Variants in DNAH8 observed in about 807,000 individuals in gnomAD.
DNAH8 encodes the protein axonemal beta dynein heavy chain 8.
Under a neutral mutation model 562.1 loss-of-function variants are expected in DNAH8, and 382 were observed. The ratio of observed to expected loss-of-function variants is 0.68; its 90% CI spans 0.63 to 0.74. The LOEUF is 0.74. Among genes scored for constraint, DNAH8 ranks in the 30% least tolerant of loss-of-function variants. The probability of loss-of-function intolerance (pLI) is 0.00; values close to 1 mark genes in which losing one functional copy is unlikely to be tolerated. For missense variants in DNAH8, 5,203 were observed against 5,620.4 expected, an observed-to-expected ratio of 0.93 and a Z score of 2.37; for synonymous variants, 1,881 against 1,919.4, an observed-to-expected ratio of 0.98 and a Z score of 0.52.
At chr6:38,756,348 G>C (rs1229844078) in intron 10 of DNAH8, among the ~76,000 whole-genome samples, 1 of 151,988 alleles carries the variant, frequency 6.6e-6, no homozygotes, top group Non-Finnish European at 1.5e-5. Context: ...AAATAGTTTT[G>C]ATTCTACCCA....
intron 85 of DNAH8, among the ~76,000 whole-genome samples, chr6:38,978,669 T>C (rs1482308634): frequency 2.0e-5 from 3 of 152,224 alleles, no homozygotes; most frequent in Non-Finnish European, 4.4e-5. Flanking sequence ...TTGTCTGGTT[T>C]TGAAGCTGTG....
At chr6:39,011,405 C>T (rs1336146035) in intron 89 of DNAH8, among the ~76,000 whole-genome samples, 1 of 152,196 alleles carries the variant, frequency 6.6e-6, no homozygotes, top group African/African-American at 2.4e-5. Context: ...TGTGTCCCTT[C>T]CTTGTTCCTT....
At chr6:38,891,380 CA>C (rs760543269) in intron 58 of DNAH8, among the ~76,000 whole-genome samples, 2 of 152,156 alleles carry the variant, frequency 1.3e-5, no homozygotes, top group Non-Finnish European at 2.9e-5. Context: ...ATATATTTGA[CA>C]AAAAGCCATG....
At chr6:38,772,929 G>T (rs1767707589) in intron 12 of DNAH8, among the ~76,000 whole-genome samples, 1 of 147,044 alleles carries the variant, frequency 6.8e-6, no homozygotes, top group Non-Finnish European at 1.5e-5. Flanking sequence ...CTTCTGAGTA[G>T]CTGGGACTAC....
intron 63 of DNAH8, among the ~76,000 whole-genome samples, chr6:38,907,542 C>G (rs1296871371): frequency 1.3e-5 from 2 of 152,162 alleles, no homozygotes; most frequent in Non-Finnish European, 2.9e-5. Flanking sequence ...CAAGCATACC[C>G]TTTTCAAGAT....
At chr6:38,901,966 A>G (rs1780111172) in intron 62 of DNAH8, among the ~76,000 whole-genome samples, 1 of 152,184 alleles carries the variant, frequency 6.6e-6, no homozygotes, top group African/African-American at 2.4e-5. Flanking sequence ...GGCAGAGCTC[A>G]GTAGCAGCTG....
At chr6:38,745,121 C>A (rs1185861065) in intron 8 of DNAH8, among the ~76,000 whole-genome samples, 2 of 152,184 alleles carry the variant, frequency 1.3e-5, no homozygotes, top group Admixed American at 1.3e-4. Flanking sequence ...GAATTACTTA[C>A]CGCTTACTGT....
Position 38,935,055 on chromosome 6 carries a change from TAGA to T in DNAH8, c.11458-534_11458-532del, listed in dbSNP as rs1782840881. Among the ~76,000 whole-genome samples, 3 of 152,176 alleles carry T rather than the reference TAGA, an allele frequency of 2.0e-5. No homozygotes were observed. In the South Asian group the frequency reaches 6.2e-4, roughly 32 times the overall value. On this transcript the variant is annotated intron_variant, in intron 76 of 92. Transcript: ENST00000327475. The stretch of plus-strand genomic sequence containing the variant: ...TGTAAACATTCAAGTTTGCCCTCTG[TAGA>T]AGGAGATACAAATAAAATGGAAAAT...
chr6:38,957,649 A>G (rs1762330883), intron 82 of DNAH8, among the ~76,000 whole-genome samples: 1 of 152,020 alleles, frequency 6.6e-6, no homozygotes. Context: ...CCACAATGGA[A>G]TGAAACTAGA....
chr6:38,948,927 T>C lies in DNAH8; in HGVS notation c.12130-525T>C, dbSNP rs1761652076. On this transcript the variant is annotated intron_variant, in intron 80 of 92. Transcript: ENST00000327475. ...TTTGTCATCTATCATTATTTTTAAG[T>C]AGAGATCAACATTTAGAGGTTGGGT... Among the ~76,000 whole-genome samples the C allele has an allele frequency of 1.3e-5, 2 of 152,258 alleles. 1 individual carries two copies. The highest frequency in any genetic ancestry group is 4.2e-4 in the South Asian group (2 of 4,816).
chr6:38,801,070 T>G (rs998992904), intron 21 of DNAH8, among the ~76,000 whole-genome samples: 9 of 152,180 alleles, frequency 5.9e-5, no homozygotes, highest in Non-Finnish European at 1.2e-4. Context: ...ATTTATCAAT[T>G]TTTTTCTTTT....
At chr6:38,760,578 C>G (rs2654448) in intron 10 of DNAH8, among the ~76,000 whole-genome samples, 54,091 of 151,772 alleles carry the variant, frequency 0.36, 10,047 homozygotes, top group Admixed American at 0.42. Context: ...TTCTAGCTCA[C>G]TGATATGGTT....
chr6:38,908,406 G>C lies in DNAH8; in HGVS notation c.9513+286G>C, dbSNP rs148687474. On this transcript the variant is annotated intron_variant, in intron 64 of 92. Coordinates refer to ENST00000327475, the MANE Select transcript of DNAH8 (RefSeq NM_001206927.2). ...GGACTTGGTGATGTAACCTCGTCCA[G>C]CTCCACCTCCCATGTAGACATATTA... Among the ~76,000 whole-genome samples, 268 of 152,286 alleles carry C rather than the reference G, an allele frequency of 1.8e-3. 1 individual carries two copies. Among genetic ancestry groups the C allele is most frequent in the Admixed American group, 3.2e-3 (49 of 15,298 alleles).
At position 38,899,675 on chromosome 6, in the gene DNAH8, T is replaced by C. The variant is rs1182286678; in HGVS notation, c.9064-101T>C. The C allele has an allele frequency of 2.4e-5, 32 of 1,306,266 alleles. No individual in the cohort carries two copies. In the South Asian group the frequency reaches 3.4e-4, roughly 14 times the overall value. The allele number at this position is 1,306,266 out of a possible 1,614,324, so 80.9% of individuals were successfully genotyped here. On this transcript the variant is annotated intron_variant, in intron 61 of 92. Coordinates refer to ENST00000327475, the MANE Select transcript of DNAH8 (RefSeq NM_001206927.2). ...CCATTAACGAGGAAAAAGTCTAATA[T>C]CATCTAGAAACATATGATCAAAACT...
intron 88 of DNAH8, among the ~76,000 whole-genome samples, chr6:39,002,222 G>A (rs1322152074): frequency 4.6e-5 from 7 of 152,202 alleles, no homozygotes; most frequent in Non-Finnish European, 8.8e-5. Context: ...GTGGCTCTCT[G>A]TAAGATGTCA....
Position 38,951,523 on chromosome 6 carries a change from A to T in DNAH8, c.12451+3A>T. 2 of 1,604,156 alleles carry T rather than the reference A, an allele frequency of 1.2e-6. No individual in the cohort carries two copies. Among genetic ancestry groups the T allele is most frequent in the Non-Finnish European group, 1.7e-6 (2 of 1,174,802 alleles). ...ATTGGCCAAGAAACTGAAACTGGGTAAGACTAGCAATCTACAAAATGTAGC... is the reference window on the plus strand; with the variant it reads ...ATTGGCCAAGAAACTGAAACTGGGTTAGACTAGCAATCTACAAAATGTAGC... On this transcript the variant is annotated splice_donor_region_variant and intron_variant, in intron 82 of 92. Transcript: ENST00000327475.
chr6:38,761,412 CA>C (rs1766502513), intron 10 of DNAH8, among the ~76,000 whole-genome samples: 1 of 150,128 alleles, frequency 6.7e-6, no homozygotes, highest in African/African-American at 2.4e-5. Context: ...AAAATTCTGA[CA>C]ATGAAAATTC....
chr6:38,869,832 G>A (rs1777329181), intron 48 of DNAH8, among the ~76,000 whole-genome samples: 1 of 152,204 alleles, frequency 6.6e-6, no homozygotes, highest in East Asian at 1.9e-4. Context: ...GTAGACTGGG[G>A]CAGGATTGTA....
intron 82 of DNAH8, among the ~76,000 whole-genome samples, chr6:38,956,380 A>G (rs1461265332): frequency 6.6e-6 from 1 of 152,224 alleles, no homozygotes; most frequent in Non-Finnish European, 1.5e-5. Context: ...GCAGATCCCA[A>G]AAGGGCCCAG....
Sources: gnomAD v4.1 joint callset for allele counts (sites outside exome capture counted in the v4.1 genomes callset) on GRCh38, gnomAD v4.1.1 for gene constraint, MANE v1.5 for transcripts, NCBI Gene and HGNC (gene_info 2026-07-23, HGNC 2026-07-21) for gene names.